The following AOPEP variants were observed in gnomAD, a reference collection of about 807,000 sequenced individuals.
The protein encoded by AOPEP is aminopeptidase O (putative).
AOPEP carries 77 observed loss-of-function variants against 98.1 expected under a neutral mutation model. That is an observed-to-expected ratio of 0.78 (90% confidence interval 0.65 to 0.95). The LOEUF is 0.95. Ranked by LOEUF, AOPEP falls within the 40% of genes least tolerant of loss-of-function variation. The pLI is 0.00. For missense variants in AOPEP, 1,024 were observed against 1,024.7 expected, an observed-to-expected ratio of 1.00 and a Z score of 0.01; for synonymous variants, 346 against 365.3, an observed-to-expected ratio of 0.95 and a Z score of 0.60.
At chr9:94,772,013 G>A (rs545727146) in intron 2 of AOPEP, among the ~76,000 whole-genome samples, 4 of 151,912 alleles carry the variant, frequency 2.6e-5, no homozygotes, top group African/African-American at 7.3e-5. Context: ...GTGTTTTCTC[G>A]CACACTGTGT....
At chr9:94,999,602 C>T (rs1032761770) in intron 11 of AOPEP, among the ~76,000 whole-genome samples, 1 of 152,150 alleles carries the variant, frequency 6.6e-6, no homozygotes, top group Non-Finnish European at 1.5e-5. Flanking sequence ...TAATGCACCT[C>T]AATAAATGTT....
At chr9:95,004,854 G>C (rs1449849721) in intron 11 of AOPEP, 2 of 147,730 alleles carry the variant, frequency 1.4e-5, no homozygotes, top group African/African-American at 2.4e-5. Flanking sequence ...ATACAATGCC[G>C]GCGCGGGCGG....
At chr9:94,984,701 T>C (rs952489379) in intron 11 of AOPEP, among the ~76,000 whole-genome samples, 4 of 152,218 alleles carry the variant, frequency 2.6e-5, no homozygotes, top group African/African-American at 7.2e-5. Context: ...ACTAGCAAAT[T>C]TTAAAAGACA....
At chr9:95,014,648 T>C (rs1273576723) in intron 13 of AOPEP, among the ~76,000 whole-genome samples, 2 of 152,180 alleles carry the variant, frequency 1.3e-5, no homozygotes, top group Non-Finnish European at 2.9e-5. Flanking sequence ...CATCTACTCA[T>C]GGAGGACTAC....
intron 5 of AOPEP, among the ~76,000 whole-genome samples, chr9:94,829,554 A>G (rs912074534): frequency 2.0e-5 from 3 of 152,234 alleles, no homozygotes; most frequent in African/African-American, 7.2e-5. Context: ...GGCCACGCCC[A>G]TGATGCCAGG....
chr9:95,075,952 C>G (rs565069467), intron 14 of AOPEP, among the ~76,000 whole-genome samples: 1 of 152,352 alleles, frequency 6.6e-6, no homozygotes, highest in South Asian at 2.1e-4. Context: ...GATGGGGGCT[C>G]TCCCGCTCCT....
intron 5 of AOPEP, among the ~76,000 whole-genome samples, chr9:94,848,141 T>A (rs560377156): frequency 2.0e-5 from 3 of 152,220 alleles, no homozygotes; most frequent in African/African-American, 7.2e-5. Flanking sequence ...AGCATATACT[T>A]GGTTAATAAG....
At chr9:95,003,612 C>A (rs1390083762) in intron 11 of AOPEP, among the ~76,000 whole-genome samples, 1 of 152,168 alleles carries the variant, frequency 6.6e-6, no homozygotes, top group Non-Finnish European at 1.5e-5. Flanking sequence ...AATTATTTAC[C>A]TGCCTATGTG....
chr9:95,036,432 A>G (rs1350067813), intron 13 of AOPEP, among the ~76,000 whole-genome samples: 3 of 152,228 alleles, frequency 2.0e-5, no homozygotes, highest in Admixed American at 6.5e-5. Context: ...CCTTTAAATG[A>G]CAAGAATCAT....
At chr9:95,022,601 A>G (rs976393342) in intron 13 of AOPEP, among the ~76,000 whole-genome samples, 1 of 150,744 alleles carries the variant, frequency 6.6e-6, no homozygotes, top group Non-Finnish European at 1.5e-5. Context: ...GGCCTCCCAA[A>G]GTGCTGGGAT....
At chr9:94,935,621 T>G (rs2056140106) in intron 7 of AOPEP, among the ~76,000 whole-genome samples, 1 of 152,138 alleles carries the variant, frequency 6.6e-6, no homozygotes, top group Non-Finnish European at 1.5e-5. Context: ...GCTCCATGTG[T>G]TCACAGGAAA....
chr9:95,075,644 C>G (rs933724869), intron 14 of AOPEP, among the ~76,000 whole-genome samples: 3 of 152,150 alleles, frequency 2.0e-5, no homozygotes, highest in Non-Finnish European at 2.9e-5. Flanking sequence ...CTTTCGGAAG[C>G]TTAAGGTGGG....
At chr9:94,752,042 C>T (rs917315244) in intron 1 of AOPEP, among the ~76,000 whole-genome samples, 9 of 151,978 alleles carry the variant, frequency 5.9e-5, no homozygotes, top group African/African-American at 1.9e-4. Flanking sequence ...TAGGCGTGTA[C>T]ACCACCATGT....
At chr9:94,818,872 T>G (rs1283987800) in intron 5 of AOPEP, among the ~76,000 whole-genome samples, 1 of 152,074 alleles carries the variant, frequency 6.6e-6, no homozygotes, top group Non-Finnish European at 1.5e-5. Flanking sequence ...CGGGCACCTG[T>G]AGCCCCAGCC....
At chr9:95,056,321 C>T (rs2066816455) in intron 13 of AOPEP, 1 of 152,396 alleles carries the variant, frequency 6.6e-6, no homozygotes, top group South Asian at 2.1e-4. Context: ...CGGGAGGTGC[C>T]CTCCTTTGCT....
chr9:94,836,999 A>G (rs749771535), intron 5 of AOPEP, among the ~76,000 whole-genome samples: 1 of 152,184 alleles, frequency 6.6e-6, no homozygotes, highest in African/African-American at 2.4e-5. Flanking sequence ...AAAAAAATTG[A>G]TAGACCATTA....
chr9:95,113,353 T>TTC, the AOPEP span, among the ~76,000 whole-genome samples: 1 of 152,006 alleles, frequency 6.6e-6, no homozygotes, highest in African/African-American at 2.4e-5. Flanking sequence ...AATAAGATAG[T>TTC]CTTAGTAGGC....
chr9:94,765,454 TAATA>T (rs1464829442), intron 2 of AOPEP, among the ~76,000 whole-genome samples: 4 of 145,524 alleles, frequency 2.7e-5, no homozygotes, highest in Non-Finnish European at 6.0e-5. Context: ...ATAATAATAA[TAATA>T]ATAATAATAA....
At chr9:94,810,319 G>T (rs866553448) in intron 5 of AOPEP, among the ~76,000 whole-genome samples, 3,875 of 140,456 alleles carry the variant, frequency 0.028, 165 homozygotes, top group African/African-American at 0.095. Flanking sequence ...GGGTTTTTTT[G>T]TTTTTTTTTT....
Sources: allele counts gnomAD v4.1 joint callset (sites outside exome capture counted in the v4.1 genomes callset), GRCh38; gene constraint gnomAD v4.1.1; transcripts MANE v1.5; gene names NCBI Gene and HGNC (gene_info 2026-07-23, HGNC 2026-07-21).